ADAMTS9: variants seen among roughly 807,000 people sequenced by gnomAD.
ADAMTS9 encodes the protein ADAM metallopeptidase with thrombospondin type 1 motif 9, also known as A disintegrin and metalloproteinase with thrombospondin motifs 9.
In ADAMTS9, 107 loss-of-function variants were observed where a neutral mutation model predicts 257.1. The ratio of observed to expected loss-of-function variants is 0.42; its 90% CI spans 0.36 to 0.49. The LOEUF (loss-of-function observed/expected upper bound fraction) is 0.49. Ranked by LOEUF, ADAMTS9 falls within the 20% of genes least tolerant of loss-of-function variation. ADAMTS9 has a pLI of 0.03. For missense variants in ADAMTS9, 2,353 were observed against 2,469.1 expected, an observed-to-expected ratio of 0.95 and a Z score of 1.00; for synonymous variants, 982 against 880.9, an observed-to-expected ratio of 1.11 and a Z score of -2.03.
chr3:64,518,871 A>G (rs986480390), intron 39 of ADAMTS9, among the ~76,000 whole-genome samples: 5 of 136,112 alleles, frequency 3.7e-5, no homozygotes, highest in African/African-American at 1.4e-4. Context: ...TCTGTCTCCC[A>G]GGTTAAAGCG....
At chr3:64,621,072 T>A (rs754605961) in intron 19 of ADAMTS9, 42 bp downstream of exon 19, 1 of 1,573,352 alleles carries the variant, frequency 6.4e-7, no homozygotes, top group Admixed American at 1.9e-5. Context: ...TGCAAGACTC[T>A]CACAATTCAG....
intron 29 of ADAMTS9, among the ~76,000 whole-genome samples, chr3:64,566,695 T>C (rs995694106): frequency 6.6e-6 from 1 of 152,120 alleles, no homozygotes. Context: ...ATCATTTATA[T>C]GCTCTGAACT....
intron 30 of ADAMTS9, among the ~76,000 whole-genome samples, chr3:64,559,307 C>T (rs566966243): frequency 6.6e-6 from 1 of 152,222 alleles, no homozygotes; most frequent in South Asian, 2.1e-4. Context: ...GGGCTTCTCC[C>T]CACCTCCAGC....
chr3:64,643,250 A>G (rs1436471137), intron 11 of ADAMTS9, among the ~76,000 whole-genome samples: 1 of 152,182 alleles, frequency 6.6e-6, no homozygotes, highest in Non-Finnish European at 1.5e-5. Context: ...ATATAAAAAT[A>G]AATGAACAGA....
At chr3:64,551,323 C>T (rs564092982) in intron 30 of ADAMTS9, among the ~76,000 whole-genome samples, 1 of 152,126 alleles carries the variant, frequency 6.6e-6, no homozygotes. Context: ...CGTTTTCCTG[C>T]CTCAGCCTCC....
chr3:64,621,798 A>G (rs796850791), intron 18 of ADAMTS9, among the ~76,000 whole-genome samples: 4 of 150,606 alleles, frequency 2.7e-5, no homozygotes, highest in Admixed American at 1.3e-4. Context: ...AAAAATAAAA[A>G]GAAAAGAAAA....
At chr3:64,590,894 G>T (rs1041154195) in intron 28 of ADAMTS9, among the ~76,000 whole-genome samples, 1 of 152,132 alleles carries the variant, frequency 6.6e-6, no homozygotes, top group Non-Finnish European at 1.5e-5. Flanking sequence ...GGTTGACAGG[G>T]CAATGCACAA....
intron 13 of ADAMTS9, 36 bp from the exon 14 acceptor site, chr3:64,633,644 C>T: frequency 6.2e-7 from 1 of 1,613,904 alleles, no homozygotes; most frequent in Non-Finnish European, 8.5e-7. Flanking sequence ...GACTTTTGTG[C>T]CTGGCCTCAG....
chr3:64,681,462 A>C (rs896861610), intron 2 of ADAMTS9, 99 bp from the exon 3 acceptor site: 24 of 1,296,426 alleles, frequency 1.9e-5, no homozygotes, highest in Non-Finnish European at 2.5e-5. Context: ...GTGTCATTTT[A>C]CCCAATCTCT....
At chr3:64,559,602 A>G (rs1327067666) in intron 30 of ADAMTS9, among the ~76,000 whole-genome samples, 2 of 152,230 alleles carry the variant, frequency 1.3e-5, no homozygotes, top group African/African-American at 2.4e-5. Flanking sequence ...GAAGCCGTCT[A>G]TTCTTCCACA....
At chr3:64,525,301 T>A (rs964500526) in intron 38 of ADAMTS9, among the ~76,000 whole-genome samples, 6 of 152,210 alleles carry the variant, frequency 3.9e-5, no homozygotes, top group African/African-American at 1.4e-4. Flanking sequence ...TATGAAAAAG[T>A]CCTTCTTTAA....
chr3:64,672,533 A>T (rs374303374), intron 3 of ADAMTS9, among the ~76,000 whole-genome samples: 2 of 152,246 alleles, frequency 1.3e-5, no homozygotes, highest in Admixed American at 6.5e-5. Context: ...AAATATGCAA[A>T]TTAGCTGGGT....
intron 31 of ADAMTS9, among the ~76,000 whole-genome samples, chr3:64,549,692 G>A (rs79536973): frequency 1.6e-3 from 250 of 152,146 alleles, no homozygotes; most frequent in African/African-American, 5.6e-3. Flanking sequence ...GCTGCCCTGC[G>A]CACTATAGGA....
intron 3 of ADAMTS9, among the ~76,000 whole-genome samples, chr3:64,665,060 T>C (rs1371318409): frequency 6.6e-6 from 1 of 152,202 alleles, no homozygotes; most frequent in Non-Finnish European, 1.5e-5. Flanking sequence ...AAACGCATGT[T>C]TGCATTAGAA....
chr3:64,532,192 C>T (rs575286701), intron 38 of ADAMTS9, among the ~76,000 whole-genome samples: 12 of 152,238 alleles, frequency 7.9e-5, no homozygotes, highest in Non-Finnish European at 8.8e-5. Context: ...ATAAACACAT[C>T]GCAAGTTGGA....
Position 64,621,077 on chromosome 3 carries a change from A to G in ADAMTS9, c.2813+37T>C, listed in dbSNP as rs753008512. On this transcript the variant is annotated intron_variant, in intron 19 of 39. Coordinates refer to ENST00000498707, the MANE Select transcript of ADAMTS9 (RefSeq NM_182920.2). ...TGGGACCTCCTGCAAGACTCTCACA[A>G]TTCAGTAATAAAGGCCTTGAGAAAA... 1.1e-5 allele frequency: 17 copies of G among 1,574,490 alleles called. No individual in the cohort carries two copies. In the African/African-American group the frequency reaches 2.1e-4, roughly 19 times the overall value.
chr3:64,628,606 C>A (rs1225337023), intron 16 of ADAMTS9, among the ~76,000 whole-genome samples: 1 of 152,150 alleles, frequency 6.6e-6, no homozygotes, highest in African/African-American at 2.4e-5. Flanking sequence ...TGTAAACAGT[C>A]CTCCAAGAAC....
chr3:64,596,974 A>G lies in ADAMTS9; in HGVS notation c.4035T>C (p.Ala1345=), dbSNP rs879147052. 6.2e-7 allele frequency: 1 copy of G among 1,612,346 alleles called. No homozygotes were observed. The highest frequency in any genetic ancestry group is 8.5e-7 in the Non-Finnish European group (1 of 1,179,112). The change falls in exon 27 of 40, where the codon GCT becomes GCC. Residue 1345 remains alanine, a synonymous_variant. Coordinates refer to ENST00000498707, the MANE Select transcript of ADAMTS9 (RefSeq NM_182920.2). ...CAACAACACGCCGCTGGGATCCGCC[A>G]GCACAGGTACTGGAACACTAAACAC... ...GPWGACSSTC[A]GGSQRRVVVC...
intron 16 of ADAMTS9, among the ~76,000 whole-genome samples, chr3:64,625,575 A>ATT (rs1321317189): frequency 6.6e-6 from 1 of 152,182 alleles, no homozygotes; most frequent in Non-Finnish European, 1.5e-5. Flanking sequence ...TATTCATTCC[A>ATT]GGATTAGGAA....
Sources: allele counts gnomAD v4.1 joint callset (sites outside exome capture counted in the v4.1 genomes callset), GRCh38; gene constraint gnomAD v4.1.1; transcripts MANE v1.5; gene names NCBI Gene and HGNC (gene_info 2026-07-23, HGNC 2026-07-21).